The following EDIL3 variants were observed in gnomAD, a reference collection of about 807,000 sequenced individuals.
The protein encoded by EDIL3 is EGF-like repeat and discoidin I-like domain-containing protein 3.
EDIL3 carries 37 observed loss-of-function variants against 67.4 expected under a neutral mutation model. The observed-to-expected ratio is 0.55, with a 90% confidence interval of 0.42 to 0.72. EDIL3 has a LOEUF of 0.72. Among genes scored for constraint, EDIL3 ranks in the 30% least tolerant of loss-of-function variants. EDIL3 has a pLI of 0.00. For missense variants in EDIL3, 527 were observed against 586.3 expected (o/e 0.90, Z 1.04); for synonymous variants, 195 against 196.3 (o/e 0.99, Z 0.05).
chr5:84,080,333 T>TC (rs1478604374), intron 6 of EDIL3, among the ~76,000 whole-genome samples: 1 of 136,872 alleles, frequency 7.3e-6, no homozygotes, highest in African/African-American at 2.7e-5. Context: ...CAAATATAAC[T>TC]AGTCCTAGTG....
At chr5:84,150,621 A>T (rs188044854) in intron 4 of EDIL3, among the ~76,000 whole-genome samples, 197 of 152,316 alleles carry the variant, frequency 1.3e-3, no homozygotes, top group Middle Eastern at 0.01. Context: ...AGCTAAAATT[A>T]AAAAGATGGT....
At chr5:84,197,628 C>T (rs1743739609) in intron 3 of EDIL3, among the ~76,000 whole-genome samples, 1 of 150,392 alleles carries the variant, frequency 6.6e-6, no homozygotes, top group Non-Finnish European at 1.5e-5. Flanking sequence ...CACTGAACTC[C>T]AGTCTGGTGA....
intron 3 of EDIL3, among the ~76,000 whole-genome samples, chr5:84,186,652 T>C (rs1279460644): frequency 6.6e-6 from 1 of 152,062 alleles, no homozygotes; most frequent in Non-Finnish European, 1.5e-5. Context: ...GAATCGGCCA[T>C]ATTCTTAATT....
chr5:84,053,851 G>A (rs1412217363), intron 9 of EDIL3, among the ~76,000 whole-genome samples: 1 of 152,122 alleles, frequency 6.6e-6, no homozygotes, highest in Non-Finnish European at 1.5e-5. Flanking sequence ...AGGACCAGAT[G>A]GATTCACAGC....
intron 9 of EDIL3, among the ~76,000 whole-genome samples, chr5:84,033,005 G>C (rs1434865227): frequency 2.6e-5 from 4 of 152,088 alleles, no homozygotes; most frequent in Admixed American, 2.0e-4. Context: ...CGTTTGAATG[G>C]CCCCTCTGTT....
intron 4 of EDIL3, among the ~76,000 whole-genome samples, chr5:84,141,596 A>T (rs984461518): frequency 5.4e-5 from 8 of 148,666 alleles, no homozygotes; most frequent in Non-Finnish European, 1.2e-4. Context: ...GAGAAGAAGG[A>T]AGACAGAGGA....
At chr5:84,173,353 A>C (rs1469924029) in intron 4 of EDIL3, among the ~76,000 whole-genome samples, 1 of 152,116 alleles carries the variant, frequency 6.6e-6, no homozygotes, top group Non-Finnish European at 1.5e-5. Flanking sequence ...AGGGTCTGCC[A>C]GTTGCAGGAC....
In EDIL3 at chr5:83,978,345, C is replaced by T. The variant is rs151049877; in HGVS notation, c.1138-14985G>A. On this transcript the variant is annotated intron_variant, in intron 9 of 10. Transcript: ENST00000296591. ...AAACAATTTTAACACCTTTGAATAA[C>T]TCAACAGAATACCTAAATAAATGAA... Among the ~76,000 whole-genome samples, 501 of 151,968 alleles carry T rather than the reference C, an allele frequency of 3.3e-3. 3 individuals are homozygous for T. The highest frequency in any genetic ancestry group is 0.015 in the South Asian group (73 of 4,822).
chr5:84,153,577 C>A (rs903367374), intron 4 of EDIL3, among the ~76,000 whole-genome samples: 1 of 152,004 alleles, frequency 6.6e-6, no homozygotes, highest in Non-Finnish European at 1.5e-5. Flanking sequence ...ATTCTCCTGT[C>A]TCAGCCTCCT....
At chr5:84,165,895 G>C (rs947294673) in intron 4 of EDIL3, among the ~76,000 whole-genome samples, 1 of 152,114 alleles carries the variant, frequency 6.6e-6, no homozygotes, top group Non-Finnish European at 1.5e-5. Flanking sequence ...AAATGCAACA[G>C]AACCCTGCAT....
Position 84,053,916 on chromosome 5 carries a change from C to G in EDIL3, c.1137+6384G>C, listed in dbSNP as rs4331875. On this transcript the variant is annotated intron_variant, in intron 9 of 10. Transcript: ENST00000296591. ...TGGTACCATTCCTTCTGAAACTATT[C>G]CAATCAATAGAAAAAGAGGGAATCC... Among the ~76,000 whole-genome samples, 191 of 152,106 alleles carry G rather than the reference C, an allele frequency of 1.3e-3. 1 individual carries two copies. The highest frequency in any genetic ancestry group is 2.1e-3 in the Admixed American group (32 of 15,278).
At chr5:84,346,822 C>T (rs1055914602) in intron 1 of EDIL3, among the ~76,000 whole-genome samples, 10 of 152,200 alleles carry the variant, frequency 6.6e-5, no homozygotes, top group South Asian at 2.1e-4. Flanking sequence ...CATCATGTTT[C>T]TGTATCAGGA....
intron 1 of EDIL3, among the ~76,000 whole-genome samples, chr5:84,360,003 T>A (rs1214622965): frequency 1.3e-5 from 2 of 152,222 alleles, no homozygotes; most frequent in East Asian, 1.9e-4. Flanking sequence ...TCATACTTTT[T>A]GAATTATGTA....
chr5:84,187,917 G>A (rs1019678635), intron 3 of EDIL3, among the ~76,000 whole-genome samples: 2 of 151,760 alleles, frequency 1.3e-5, no homozygotes, highest in Non-Finnish European at 2.9e-5. Context: ...GATAAAAATC[G>A]TCTATGAGTA....
chr5:84,311,596 G>A (rs1290913492), intron 1 of EDIL3, among the ~76,000 whole-genome samples: 1 of 151,352 alleles, frequency 6.6e-6, no homozygotes, highest in East Asian at 1.9e-4. Context: ...ATTCTTGGGT[G>A]TTTCTCACAG....
chr5:84,302,228 A>C (rs1357806975), intron 1 of EDIL3, among the ~76,000 whole-genome samples: 1 of 151,854 alleles, frequency 6.6e-6, no homozygotes, highest in Non-Finnish European at 1.5e-5. Context: ...TTTTTTCTGC[A>C]GCTTACATTA....
intron 1 of EDIL3, among the ~76,000 whole-genome samples, chr5:84,320,056 C>A (rs937480899): frequency 6.6e-6 from 1 of 151,932 alleles, no homozygotes; most frequent in Admixed American, 6.6e-5. Flanking sequence ...ATGTAAATGA[C>A]GAGTTGATGG....
At chr5:84,134,676 C>A (rs1160709570) in intron 5 of EDIL3, among the ~76,000 whole-genome samples, 1 of 152,088 alleles carries the variant, frequency 6.6e-6, no homozygotes, top group South Asian at 2.1e-4. Flanking sequence ...TCCTAAGAAA[C>A]CTAGACAATA....
chr5:84,118,162 A>T (rs1430416018), intron 5 of EDIL3, among the ~76,000 whole-genome samples: 1 of 152,142 alleles, frequency 6.6e-6, no homozygotes, highest in Non-Finnish European at 1.5e-5. Context: ...GAACATTTTT[A>T]TTTAATTACT....
Sources: gnomAD v4.1 joint callset for allele counts (sites outside exome capture counted in the v4.1 genomes callset) on GRCh38, gnomAD v4.1.1 for gene constraint, MANE v1.5 for transcripts, NCBI Gene and HGNC (gene_info 2026-07-23, HGNC 2026-07-21) for gene names.